ABCE1: variants seen among roughly 807,000 people sequenced by gnomAD.
ABCE1 encodes the protein ATP binding cassette subfamily E member 1.
Under a neutral mutation model 83.4 loss-of-function variants are expected in ABCE1, and 22 were observed. The observed-to-expected ratio is 0.26, with a 90% CI of 0.19 to 0.38. The LOEUF (loss-of-function observed/expected upper bound fraction) is 0.38, where lower values mean the gene tolerates loss of function less well. Ranked by LOEUF, ABCE1 falls within the 10% of genes least tolerant of loss-of-function variation. The probability of loss-of-function intolerance (pLI) is 1.00; values close to 1 mark genes in which losing one functional copy is unlikely to be tolerated. For synonymous variants in ABCE1, 204 were observed against 233.7 expected (o/e 0.87, Z 1.16); for missense variants, 330 against 721.9 (o/e 0.46, Z 6.22).
rs753943064 is a variant in ABCE1, at chr4:145,128,720, T to G, written c.*1147T>G. On this transcript the variant is annotated 3_prime_UTR_variant, in exon 18 of 18. Transcript: ENST00000296577. ...GGAATTATGAGTGAGGAAGAGTGTT[T>G]ACTAAATAAATGACTGGGGCAAGCA... is the stretch of plus-strand genomic sequence containing the variant. 6.6e-6 allele frequency: 1 copy of G among 152,178 alleles called. No homozygotes were observed. Among genetic ancestry groups the G allele is most frequent in the Middle Eastern group, 3.2e-3 (1 of 316 alleles). 9.4% of individuals were successfully genotyped at this position (152,178 alleles called of 1,614,324 possible).
chr4:145,125,902 G>C (rs1350856042), intron 17 of ABCE1, among the ~76,000 whole-genome samples: 1 of 151,884 alleles, frequency 6.6e-6, no homozygotes, highest in African/African-American at 2.4e-5. Context: ...TTAGCCAGGC[G>C]TGGTGGCATG....
intron 4 of ABCE1, among the ~76,000 whole-genome samples, 172 bp downstream of exon 4, chr4:145,108,284 G>T (rs1170873111): frequency 1.3e-5 from 2 of 152,112 alleles, no homozygotes; most frequent in African/African-American, 4.8e-5. Flanking sequence ...GTTCATTCTG[G>T]CTAACATTAC....
chr4:145,118,446 T>C (rs1474961048), intron 10 of ABCE1, among the ~76,000 whole-genome samples: 3 of 151,758 alleles, frequency 2.0e-5, no homozygotes, highest in South Asian at 2.1e-4. Context: ...TTGAGATAGA[T>C]GCATACTTTA....
At chr4:145,105,569 A>G in intron 2 of ABCE1, 36 bp from the exon 3 acceptor site, 1 of 1,453,274 alleles carries the variant, frequency 6.9e-7, no homozygotes, top group East Asian at 2.3e-5. Context: ...TAGAAGATCA[A>G]AGGAAATGGC....
chr4:145,118,669 C>G (rs1749666922), intron 10 of ABCE1, among the ~76,000 whole-genome samples: 1 of 151,990 alleles, frequency 6.6e-6, no homozygotes, highest in African/African-American at 2.4e-5. Context: ...TGTCTAAAGG[C>G]TGTGCCATTC....
At chr4:145,125,858 G>A (rs985101360) in intron 17 of ABCE1, among the ~76,000 whole-genome samples, 14 of 152,048 alleles carry the variant, frequency 9.2e-5, no homozygotes, top group Non-Finnish European at 1.9e-4. Context: ...CCTGTCTAAC[G>A]GTGAAAACCC....
At chr4:145,114,708 T>C (rs932491606) in intron 9 of ABCE1, among the ~76,000 whole-genome samples, 15 of 152,030 alleles carry the variant, frequency 9.9e-5, no homozygotes, top group African/African-American at 3.6e-4. Context: ...CCCAAGACTT[T>C]CCTATATTAT....
chr4:145,123,260 C>G lies in ABCE1; in HGVS notation c.1420C>G (p.Leu474Val), dbSNP rs1279795186. The stretch of plus-strand genomic sequence containing the variant: ...TGAACTACAGCGAGTAGCTTTAGCC[C>G]TTTGCTTGGGCAAACCTGCTGATGT... ...GGELQRVALA[L>V]CLGKPADVYL... The change falls in exon 15 of 18, where the codon CTT (leucine) becomes GTT (valine). Residue 474 changes from leucine (L) to valine (V), a missense_variant. By Grantham distance (32) the Leu-to-Val change is conservative. Coordinates refer to ENST00000296577, the MANE Select transcript of ABCE1 (RefSeq NM_002940.3). The G allele has an allele frequency of 1.9e-6, 3 of 1,612,318 alleles. No homozygotes were observed. Among genetic ancestry groups the G allele is most frequent in the Non-Finnish European group, 2.5e-6 (3 of 1,179,462 alleles).
chr4:145,120,192 T>C, intron 11 of ABCE1, 39 bp downstream of exon 11: 1 of 1,526,122 alleles, frequency 6.6e-7, no homozygotes, highest in South Asian at 1.2e-5. Flanking sequence ...AATCTTCCTG[T>C]TTATCTAGTA....
At chr4:145,121,081 A>C (rs1026165772) in intron 11 of ABCE1, 93 bp from the exon 12 acceptor site, 2 of 1,255,660 alleles carry the variant, frequency 1.6e-6, no homozygotes, top group Non-Finnish European at 2.3e-6. Flanking sequence ...TATCTTTAAA[A>C]CAAATTTCTC....
In ABCE1 at chr4:145,104,463, A is replaced by G; in HGVS notation, c.51A>G (p.Lys17=). ...RIAIVNHDKC[K]PKKCRQECKK... ...CTATTGTCAACCATGACAAATGTAA[A>G]CCTAAGAAATGTCGACAGGAATGCA... The change falls in exon 2 of 18, where the codon AAA becomes AAG. Residue 17 remains lysine (K), a synonymous_variant. Transcript: ENST00000296577. The G allele has an allele frequency of 6.2e-7, 1 of 1,603,860 alleles. No individual in the cohort carries two copies.
intron 13 of ABCE1, chr4:145,122,654 C>G (rs1749775246): frequency 6.3e-6 from 1 of 157,508 alleles, no homozygotes; most frequent in South Asian, 2.0e-4. Context: ...TCCACAAAAA[C>G]TTAAAAATTG....
At chr4:145,121,012 G>A in intron 11 of ABCE1, 162 bp from the exon 12 acceptor site, 1 of 634,872 alleles carries the variant, frequency 1.6e-6, no homozygotes, top group Admixed American at 3.0e-5. Flanking sequence ...TCAGAGGTGA[G>A]CCATGAAAGA....
intron 3 of ABCE1, among the ~76,000 whole-genome samples, chr4:145,106,311 T>G (rs1229231642): frequency 6.6e-6 from 1 of 152,056 alleles, no homozygotes; most frequent in Non-Finnish European, 1.5e-5. Flanking sequence ...GATACCACAC[T>G]ATTGTTCAAA....
intron 3 of ABCE1, 74 bp from the exon 4 acceptor site, chr4:145,107,941 T>C: frequency 8.8e-7 from 1 of 1,131,558 alleles, no homozygotes; most frequent in South Asian, 1.5e-5. Context: ...TATAAAAATA[T>C]TTTTAATCCA....
chr4:145,110,323 T>G (rs935452858), intron 6 of ABCE1, 52 bp from the exon 7 acceptor site: 2 of 1,601,086 alleles, frequency 1.2e-6, no homozygotes, highest in Non-Finnish European at 1.7e-6. Flanking sequence ...TACTTTGTGA[T>G]TCTTTTTAAT....
At chr4:145,120,714 A>G (rs1306217454) in intron 11 of ABCE1, among the ~76,000 whole-genome samples, 1 of 152,114 alleles carries the variant, frequency 6.6e-6, no homozygotes, top group Non-Finnish European at 1.5e-5. Context: ...AAAACTATAG[A>G]AGATAAATTT....
intron 9 of ABCE1, among the ~76,000 whole-genome samples, chr4:145,116,688 T>C (rs987119009): frequency 1.3e-5 from 2 of 151,986 alleles, no homozygotes; most frequent in African/African-American, 4.8e-5. Flanking sequence ...CATTCAAATA[T>C]AGCCACTTAA....
At chr4:145,117,175 C>T (rs949515398) in intron 9 of ABCE1, 118 bp from the exon 10 acceptor site, 3 of 814,544 alleles carry the variant, frequency 3.7e-6, no homozygotes, top group African/African-American at 3.5e-5. Flanking sequence ...TGTTTTATGG[C>T]TTTTGCTTCT....
Sources: allele counts gnomAD v4.1 joint callset (sites outside exome capture counted in the v4.1 genomes callset), GRCh38; gene constraint gnomAD v4.1.1; transcripts MANE v1.5; gene names NCBI Gene and HGNC (gene_info 2026-07-23, HGNC 2026-07-21).